Variants in ST6GALNAC1 observed in about 807,000 individuals in gnomAD.
ST6GALNAC1 encodes the protein alpha-N-acetylgalactosaminide alpha-2,6-sialyltransferase 1.
A neutral mutation model predicts 56.8 loss-of-function variants in ST6GALNAC1; 45 were observed. The ratio of observed to expected loss-of-function variants is 0.79; its 90% CI spans 0.62 to 1.02. The LOEUF (loss-of-function observed/expected upper bound fraction) is 1.02. ST6GALNAC1 is among the 50% of genes least tolerant of loss of function. ST6GALNAC1 has a pLI of 0.00. For missense variants in ST6GALNAC1, 743 were observed against 754.8 expected, an observed-to-expected ratio of 0.98 and a Z score of 0.18; for synonymous variants, 295 against 297.8, an observed-to-expected ratio of 0.99 and a Z score of 0.10.
At chr17:76,619,748 T>TG in the ST6GALNAC1 span, among the ~76,000 whole-genome samples, 12 of 105,034 alleles carry the variant, frequency 1.1e-4, no homozygotes, top group Admixed American at 1.2e-3. Context: ...TAGTTTTTTT[T>TG]TTTTTTTTTT....
At chr17:76,635,558 G>T (rs1207232689) in intron 1 of ST6GALNAC1, among the ~76,000 whole-genome samples, 1 of 152,138 alleles carries the variant, frequency 6.6e-6, no homozygotes, top group Non-Finnish European at 1.5e-5. Flanking sequence ...AATTGTTTGA[G>T]CCTGCGAGGT....
Position 76,625,502 on chromosome 17 carries a change from T to G in ST6GALNAC1, c.1631A>C (p.Glu544Ala). 6.2e-7 allele frequency: 1 copy of G among 1,614,020 alleles called. No homozygotes were observed. Reference protein sequence around the residue: ...DQVSAYGFITEGHERFSDHYY... With the variant: ...DQVSAYGFITAGHERFSDHYY... Reference sequence around the variant, plus strand: ...GTGATCAGAAAAGCGCTCATGGCCCTCAGTGATGAAGCCATAAGCACTCAC... The same window carrying G: ...GTGATCAGAAAAGCGCTCATGGCCCGCAGTGATGAAGCCATAAGCACTCAC... Residue 544 changes from glutamate to alanine, a missense_variant, in exon 9 of 9, where the codon GAG becomes GCG. Physicochemically the swap from Glu to Ala is moderately radical, Grantham distance 107 (BLOSUM62 -1). Coordinates refer to ENST00000156626, the MANE Select transcript of ST6GALNAC1 (RefSeq NM_018414.5).
rs2075858337 is a variant in ST6GALNAC1 at position 76,629,306 on chromosome 17, C to T, written c.537G>A (p.Thr179=). The stretch of plus-strand genomic sequence containing the variant: ...CTTTGCCCTGGTGCTTCTCTGACAC[C>T]GTCCTGGAGGCCGTCAGCTTCCTGG... ...GQTRKLTASR[T]VSEKHQGKAA... The change falls in exon 2 of 9, where the codon ACG becomes ACA. Residue 179 remains threonine, a synonymous_variant. Coordinates refer to ENST00000156626, the MANE Select transcript of ST6GALNAC1 (RefSeq NM_018414.5). 5.6e-6 allele frequency: 9 copies of T among 1,614,132 alleles called. No homozygotes were observed. Among genetic ancestry groups the T allele is most frequent in the South Asian group, 4.4e-5 (4 of 91,078 alleles).
intron 1 of ST6GALNAC1, among the ~76,000 whole-genome samples, chr17:76,640,289 T>C (rs2076033078): frequency 6.6e-6 from 1 of 152,108 alleles, no homozygotes; most frequent in Admixed American, 6.5e-5. Context: ...GGCAGGGTGG[T>C]TCTGCCTCTT....
In ST6GALNAC1 at chr17:76,626,029, G is replaced by A. The variant is rs1481276837; in HGVS notation, c.1482C>T (p.Asp494=). ...ACCTGTTCTTCATGTATCGGAGAAA[G>A]TCTGGGTGCAGCAACAGGTACCTGT... is the stretch of plus-strand genomic sequence containing the variant. The part of the protein sequence containing the change: ...HMDRYLLLHP[D]FLRYMKNRFL... The change falls in exon 7 of 9, where the codon GAC becomes GAT. Residue 494 remains aspartate, a synonymous_variant. Coordinates refer to ENST00000156626, the MANE Select transcript of ST6GALNAC1 (RefSeq NM_018414.5). The A allele has an allele frequency of 3.7e-6, 6 of 1,614,216 alleles. No homozygotes were observed. Among genetic ancestry groups the A allele is most frequent in the Non-Finnish European group, 5.1e-6 (6 of 1,180,034 alleles).
Position 76,625,354 on chromosome 17 carries a change from G to A in ST6GALNAC1, c.1779C>T (p.Pro593=), listed in dbSNP as rs201887138. The A allele has an allele frequency of 2.8e-5, 45 of 1,613,622 alleles. No individual in the cohort carries two copies. Among genetic ancestry groups the A allele is most frequent in the African/African-American group, 6.7e-5 (5 of 75,046 alleles). The part of the protein sequence containing the change: ...GIIRLYQRPG[P]GTAKAKN ...GTCAGTTCTTGGCTTTGGCAGTTCCGGGACCAGGACGCTGGTACAGCCGGA... is the reference window on the plus strand; with the variant it reads ...GTCAGTTCTTGGCTTTGGCAGTTCCAGGACCAGGACGCTGGTACAGCCGGA... The change falls in exon 9 of 9, where the codon CCC becomes CCT. Residue 593 remains proline (P), a synonymous_variant. Coordinates refer to ENST00000156626, the MANE Select transcript of ST6GALNAC1 (RefSeq NM_018414.5).
intron 2 of ST6GALNAC1, 31 bp downstream of exon 2, chr17:76,628,981 C>A: frequency 6.6e-7 from 1 of 1,516,082 alleles, no homozygotes; most frequent in Non-Finnish European, 8.8e-7. Context: ...GAGCTGGGAG[C>A]CAGAGGGAAG....
At position 76,643,698 on chromosome 17, in the gene ST6GALNAC1, C is replaced by G. The variant is rs934980188; in HGVS notation, c.-60G>C. ...TGTCCTGGGGCCTTGATGTAGGCAGCTGGGAGTCTCACCGCTCAGGTTTCC... is the reference window on the plus strand; with the variant it reads ...TGTCCTGGGGCCTTGATGTAGGCAGGTGGGAGTCTCACCGCTCAGGTTTCC... On this transcript the variant is annotated 5_prime_UTR_variant, in exon 1 of 9. Transcript: ENST00000156626. 2.9e-5 allele frequency: 45 copies of G among 1,570,440 alleles called. No individual in the cohort carries two copies. The African/African-American group carries it at 5.2e-4, about 18-fold the overall frequency.
chr17:76,627,498 T>TC lies in ST6GALNAC1; in HGVS notation c.916dup (p.Asp306GlyfsTer9). ...CTCACTCTGGTTGAAGTGTCTGGAGTCCAGGAAGAGAGTGAGGTTGGGCAG... is the reference window on the plus strand; with the variant it reads ...CTCACTCTGGTTGAAGTGTCTGGAGTCCCAGGAAGAGAGTGAGGTTGGGCAG... On this transcript the variant is annotated frameshift_variant, in exon 3 of 9. Transcript: ENST00000156626. LOFTEE classifies it high-confidence loss of function. The surrounding 1 kb of genome is among the most constrained non-coding windows in gnomAD (Gnocchi z 4.4). 6.2e-7 allele frequency: 1 copy of TC among 1,613,858 alleles called. No individual in the cohort carries two copies.
At chr17:76,639,067 G>A (rs545263814) in intron 1 of ST6GALNAC1, among the ~76,000 whole-genome samples, 5 of 152,174 alleles carry the variant, frequency 3.3e-5, no homozygotes, top group Non-Finnish European at 7.4e-5. Flanking sequence ...ACGTTCCCCC[G>A]ATCATCCATC....
chr17:76,629,776 G>GTTT (rs1281716277), intron 1 of ST6GALNAC1, 65 bp from the exon 2 acceptor site: 67 of 786,182 alleles, frequency 8.5e-5, no homozygotes, highest in African/African-American at 7.9e-4. Flanking sequence ...AGCATAAGTA[G>GTTT]TTTTTTGTTT....
intron 1 of ST6GALNAC1, among the ~76,000 whole-genome samples, chr17:76,642,922 CAAA>C (rs59053510): frequency 5.7e-5 from 5 of 87,230 alleles, no homozygotes; most frequent in Admixed American, 1.2e-4. Context: ...GACTCCGTCT[CAAA>C]AAAAAAAAAA....
intron 1 of ST6GALNAC1, among the ~76,000 whole-genome samples, chr17:76,638,005 T>A (rs1459114093): frequency 6.6e-6 from 1 of 152,028 alleles, no homozygotes; most frequent in African/African-American, 2.4e-5. Context: ...AATTTTCATA[T>A]TTTTAGTAGA....
chr17:76,640,611 T>A (rs2076037800), intron 1 of ST6GALNAC1, among the ~76,000 whole-genome samples: 1 of 152,160 alleles, frequency 6.6e-6, no homozygotes, highest in Non-Finnish European at 1.5e-5. Context: ...ATTCACATCA[T>A]ACACAAAAGA....
intron 1 of ST6GALNAC1, chr17:76,637,503 A>G (rs2075993689): frequency 2.6e-6 from 1 of 390,892 alleles, no homozygotes; most frequent in South Asian, 1.4e-4. Context: ...TTATCATTTC[A>G]AGAATGTTAT....
At chr17:76,638,397 G>A (rs1393735522) in intron 1 of ST6GALNAC1, among the ~76,000 whole-genome samples, 1 of 151,366 alleles carries the variant, frequency 6.6e-6, no homozygotes, top group Non-Finnish European at 1.5e-5. Context: ...TTTTTTTTGA[G>A]ACAGAGTCTT....
chr17:76,625,774 G>A, intron 8 of ST6GALNAC1, 45 bp downstream of exon 8: 1 of 1,438,984 alleles, frequency 6.9e-7, no homozygotes, highest in Non-Finnish European at 9.3e-7. Flanking sequence ...GAATAGCCCA[G>A]GAGCTGTTTC....
intron 6 of ST6GALNAC1, 78 bp from the exon 7 acceptor site, chr17:76,626,173 A>C (rs1297816199): frequency 1.9e-6 from 3 of 1,554,550 alleles, no homozygotes; most frequent in African/African-American, 2.7e-5. Context: ...CATGAGCATG[A>C]CTGGTATCCC....
At chr17:76,639,809 T>C (rs1029432436) in intron 1 of ST6GALNAC1, among the ~76,000 whole-genome samples, 34 of 145,728 alleles carry the variant, frequency 2.3e-4, no homozygotes, top group Non-Finnish European at 2.9e-4. Context: ...GGGGATGAGA[T>C]GAGGGGGAGA....
Sources: allele counts gnomAD v4.1 joint callset (sites outside exome capture counted in the v4.1 genomes callset), GRCh38; gene constraint gnomAD v4.1.1; non-coding constraint Gnocchi (gnomAD v3.1); transcripts MANE v1.5; gene names NCBI Gene and HGNC (gene_info 2026-07-23, HGNC 2026-07-21).